The following RUBCNL variants were observed in gnomAD, a reference collection of about 807,000 sequenced individuals.
The protein encoded by RUBCNL is protein associated with UVRAG as autophagy enhancer.
In RUBCNL, 62 loss-of-function variants were observed where a neutral mutation model predicts 69.5. That is an observed-to-expected ratio of 0.89 (90% CI 0.73 to 1.10). The LOEUF (loss-of-function observed/expected upper bound fraction) is 1.10. RUBCNL is among the 50% of genes least tolerant of loss of function. RUBCNL has a pLI of 0.00. For synonymous variants in RUBCNL, 291 were observed against 303.6 expected, an observed-to-expected ratio of 0.96 and a Z score of 0.43; for missense variants, 768 against 798.1, an observed-to-expected ratio of 0.96 and a Z score of 0.45.
intron 1 of RUBCNL, among the ~76,000 whole-genome samples, chr13:46,383,825 G>A (rs1188263724): frequency 6.6e-6 from 1 of 152,158 alleles, no homozygotes; most frequent in African/African-American, 2.4e-5. Flanking sequence ...AGTGAATAAT[G>A]AATTGTTTCT....
intron 3 of RUBCNL, among the ~76,000 whole-genome samples, chr13:46,371,225 A>T (rs2138799246): frequency 6.6e-6 from 1 of 152,352 alleles, no homozygotes; most frequent in Non-Finnish European, 1.5e-5. Flanking sequence ...TTCATTGATT[A>T]TTTATACTAG....
intron 12 of RUBCNL, among the ~76,000 whole-genome samples, chr13:46,347,947 C>A (rs1413342686): frequency 6.6e-6 from 1 of 151,722 alleles, no homozygotes; most frequent in African/African-American, 2.4e-5. Flanking sequence ...GAGCCGAGAT[C>A]GCGCCACTGC....
Position 46,350,337 on chromosome 13 carries a change from G to A in RUBCNL, c.1345C>T (p.Leu449Phe), listed in dbSNP as rs888506175. ...TPVEPKFVKR[L>F]RYCEYLGKYF... ...TTCCCTAGGTATTCGCAGTACCGGA[G>A]CCGCTTCACAAACTCTGCCAAGCAT... Residue 449 changes from leucine to phenylalanine, a missense_variant, in exon 11 of 15, where the codon CTC becomes TTC. Transcript: ENST00000429979. The A allele has an allele frequency of 3.2e-6, 5 of 1,542,094 alleles. No individual in the cohort carries two copies. In the African/African-American group the frequency reaches 6.8e-5, roughly 21 times the overall value.
chr13:46,343,071 T>C lies in RUBCNL; in HGVS notation c.*314A>G, dbSNP rs1239261825. 6 of 392,162 alleles carry C rather than the reference T, an allele frequency of 1.5e-5. No individual in the cohort carries two copies. Among genetic ancestry groups the C allele is most frequent in the East Asian group, 1.3e-4 (3 of 23,640 alleles). The allele number at this position is 392,162 out of a possible 1,614,324, so 24.3% of individuals were successfully genotyped here. ...TCTTGTCAGTTACAGTTCACATATA[T>C]GCACACACATACAAACTGGCTCAGC... is the stretch of plus-strand genomic sequence containing the variant. On this transcript the variant is annotated 3_prime_UTR_variant, in exon 15 of 15. Transcript: ENST00000429979.
chr13:46,389,193 A>G (rs527290531), upstream of RUBCNL, among the ~76,000 whole-genome samples: 7 of 152,208 alleles, frequency 4.6e-5, no homozygotes, highest in South Asian at 1.2e-3. This position sits in a 1 kb window ranked among gnomAD's most constrained non-coding sequence, Gnocchi z 4.2. Flanking sequence ...ATTTGTTCCC[A>G]TTTCGCAAGG....
intron 6 of RUBCNL, among the ~76,000 whole-genome samples, 176 bp downstream of exon 6, chr13:46,362,933 TATATAG>T (rs1198648446): frequency 0.04 from 1,972 of 49,688 alleles, 280 homozygotes; most frequent in African/African-American, 0.13. Context: ...CATATATATA[TATATAG>T]ATATATATAT....
rs1381528482 is a variant in RUBCNL at position 46,344,740 on chromosome 13, C to T, written c.1876+1G>A. ...GCTTATGTTATTAAGTTATTAAATA[C>T]CTGAACATCTTCTACATGTTGCTGT... On this transcript the variant is annotated splice_donor_variant, in intron 14 of 14. Coordinates refer to ENST00000429979, the MANE Select transcript of RUBCNL (RefSeq NM_025113.5). LOFTEE classifies it high-confidence loss of function. The T allele has an allele frequency of 1.9e-6, 3 of 1,594,286 alleles. No homozygotes were observed. Among genetic ancestry groups the T allele is most frequent in the South Asian group, 1.1e-5 (1 of 88,866 alleles).
chr13:46,386,805 A>C (rs2049258335), intron 1 of RUBCNL, among the ~76,000 whole-genome samples: 1 of 152,142 alleles, frequency 6.6e-6, no homozygotes, highest in South Asian at 2.1e-4. Flanking sequence ...CAGGCTTTGT[A>C]GTCTCTGAGA....
rs1007668044 is a variant in RUBCNL at position 46,339,708 on chromosome 13, A to C, written c.*3677T>G. On this transcript the variant is annotated 3_prime_UTR_variant, in exon 15 of 15. Coordinates refer to ENST00000429979, the MANE Select transcript of RUBCNL (RefSeq NM_025113.5). ...AACCCGTCTCTACTAAAAATACAAAAATTATCCAGGCCTGGTGGCGTGCGC... is the reference window on the plus strand; with the variant it reads ...AACCCGTCTCTACTAAAAATACAAACATTATCCAGGCCTGGTGGCGTGCGC... 1.2e-4 allele frequency among the ~76,000 whole-genome samples: 18 copies of C among 152,014 alleles called. No individual in the cohort carries two copies. Among genetic ancestry groups the C allele is most frequent in the African/African-American group, 4.3e-4 (18 of 41,390 alleles).
rs1327054376 is a variant in RUBCNL, at chr13:46,342,946, A to G, written c.*439T>C. The G allele has an allele frequency of 6.2e-6, 1 of 160,636 alleles. No homozygotes were observed. Among genetic ancestry groups the G allele is most frequent in the African/African-American group, 2.4e-5 (1 of 41,766 alleles). 10.0% of individuals were successfully genotyped at this position (160,636 alleles called of 1,614,324 possible). A position where few individuals can be genotyped will look rare whatever the true frequency, so the allele number is the denominator to read the frequency against. ...TGGAAGTCTGCTTCCTGAAGAAATA[A>G]AAGCCAGAGCAAACAGATTTGGGGT... On this transcript the variant is annotated 3_prime_UTR_variant, in exon 15 of 15. Transcript: ENST00000429979.
chr13:46,371,426 G>C (rs1055201583), intron 3 of RUBCNL, among the ~76,000 whole-genome samples: 1 of 152,208 alleles, frequency 6.6e-6, no homozygotes, highest in Non-Finnish European at 1.5e-5. Context: ...ATAGCAGTGA[G>C]AGCCCTTGTT....
chr13:46,358,091 A>G (rs553291466), intron 9 of RUBCNL, among the ~76,000 whole-genome samples: 1 of 152,176 alleles, frequency 6.6e-6, no homozygotes, highest in Non-Finnish European at 1.5e-5. Flanking sequence ...GACCTAGGAA[A>G]CCCCTAAAGA....
At position 46,345,585 on chromosome 13, in the gene RUBCNL, G is replaced by A. The variant is rs369479471; in HGVS notation, c.1647C>T (p.Phe549=). Residue 549 remains phenylalanine (F), a synonymous_variant, in exon 13 of 15, where the codon TTC becomes TTT. Coordinates refer to ENST00000429979, the MANE Select transcript of RUBCNL (RefSeq NM_025113.5). ...CRFANSALKE[F]EQVPGHLTDE... ...CAGTCAAGTGTCCCGGCACCTGCTC[G>A]AACTCCTTTAATGCACTGCCAGAGA... The A allele has an allele frequency of 2.5e-5, 40 of 1,613,468 alleles. No individual in the cohort carries two copies. The highest frequency in any genetic ancestry group is 2.8e-5 in the Non-Finnish European group (33 of 1,179,788).
At chr13:46,389,723 G>A (rs544947015), upstream of RUBCNL, 19 of 152,330 alleles carry the variant, frequency 1.2e-4, no homozygotes, top group African/African-American at 4.6e-4. The surrounding 1 kb of genome is among the most constrained non-coding windows in gnomAD (Gnocchi z 4.2). Flanking sequence ...CATTCTGAAA[G>A]AGCATCTCTA....
At chr13:46,353,803 A>G (rs572963691) in intron 10 of RUBCNL, among the ~76,000 whole-genome samples, 1 of 152,374 alleles carries the variant, frequency 6.6e-6, no homozygotes, top group African/African-American at 2.4e-5. Context: ...AGTGTTCTAT[A>G]TCTGTGCTGT....
Position 46,337,029 on chromosome 13 carries a change from G to A in RUBCNL, c.*6356C>T, listed in dbSNP as rs1326824849. Among the ~76,000 whole-genome samples, 7 of 152,128 alleles carry A rather than the reference G, an allele frequency of 4.6e-5. No individual in the cohort carries two copies. Among genetic ancestry groups the A allele is most frequent in the Admixed American group, 4.6e-4 (7 of 15,262 alleles). ...CCCCCAATTGTGACAGTATTAGGAG[G>A]TGGAGCCTTTAGGTGGTGATTAGGT... On this transcript the variant is annotated 3_prime_UTR_variant, in exon 15 of 15. Coordinates refer to ENST00000429979, the MANE Select transcript of RUBCNL (RefSeq NM_025113.5).
chr13:46,381,339 C>G (rs1275225743), intron 1 of RUBCNL, among the ~76,000 whole-genome samples: 1 of 151,722 alleles, frequency 6.6e-6, no homozygotes, highest in Non-Finnish European at 1.5e-5. Context: ...AATGACTATG[C>G]TAAGTGAAAA....
intron 12 of RUBCNL, 84 bp downstream of exon 12, chr13:46,349,201 TA>T: frequency 8.5e-7 from 1 of 1,175,206 alleles, no homozygotes; most frequent in Non-Finnish European, 1.3e-6. Context: ...AAGCCCTGTG[TA>T]ATGGGGGAGC....
rs576478475 is a variant in RUBCNL at position 46,360,195 on chromosome 13, C to A, written c.1120-564G>T. Among the ~76,000 whole-genome samples, 32 of 152,062 alleles carry A rather than the reference C, an allele frequency of 2.1e-4. No individual in the cohort carries two copies. The South Asian group carries it at 6.4e-3, about 31-fold the overall frequency. ...CTTGAGGTCAGGAGTTTGAGACCAG[C>A]CTGGCCAACATAGTGAAACCCTGTC... On this transcript the variant is annotated intron_variant, in intron 8 of 14. Coordinates refer to ENST00000429979, the MANE Select transcript of RUBCNL (RefSeq NM_025113.5).
Sources: allele counts gnomAD v4.1 joint callset (sites outside exome capture counted in the v4.1 genomes callset), GRCh38; gene constraint gnomAD v4.1.1; non-coding constraint Gnocchi (gnomAD v3.1); transcripts MANE v1.5; gene names NCBI Gene and HGNC (gene_info 2026-07-23, HGNC 2026-07-21).